The following AGK variants were observed in gnomAD, a reference collection of about 807,000 sequenced individuals.
The protein encoded by AGK is acylglycerol kinase, mitochondrial.
In AGK, 52 loss-of-function variants were observed where a neutral mutation model predicts 66.4. The observed-to-expected ratio is 0.78, with a 90% CI of 0.63 to 0.99. The LOEUF is 0.99. Among genes scored for constraint, AGK ranks in the 50% least tolerant of loss-of-function variants. AGK has a pLI of 0.00. For missense variants in AGK, 451 were observed against 506.6 expected, an observed-to-expected ratio of 0.89 and a Z score of 1.05; for synonymous variants, 182 against 181.1, an observed-to-expected ratio of 1.00 and a Z score of -0.04.
intron 9 of AGK, among the ~76,000 whole-genome samples, chr7:141,633,237 T>C (rs1178635303): frequency 1.3e-5 from 2 of 152,216 alleles, no homozygotes; most frequent in Non-Finnish European, 2.9e-5. Context: ...AGAATCCTGG[T>C]ACCTAGATTA....
At chr7:141,568,276 T>C (rs1196227815) in intron 2 of AGK, among the ~76,000 whole-genome samples, 7 of 152,230 alleles carry the variant, frequency 4.6e-5, no homozygotes, top group Admixed American at 3.9e-4. Flanking sequence ...CATACATGGT[T>C]AAAAGCAGCA....
At chr7:141,572,966 A>C (rs1019138338) in intron 2 of AGK, among the ~76,000 whole-genome samples, 7 of 152,206 alleles carry the variant, frequency 4.6e-5, no homozygotes, top group Admixed American at 3.3e-4. Context: ...TTACCTTGAC[A>C]TCAGTTCAGA....
intron 2 of AGK, among the ~76,000 whole-genome samples, chr7:141,569,071 AG>A (rs1024738497): frequency 2.0e-5 from 3 of 152,220 alleles, no homozygotes; most frequent in African/African-American, 7.2e-5. Flanking sequence ...CTCCAAACAT[AG>A]GAACATTAAT....
intron 2 of AGK, among the ~76,000 whole-genome samples, chr7:141,570,047 A>T (rs1587071522): frequency 6.6e-6 from 1 of 152,182 alleles, no homozygotes; most frequent in African/African-American, 2.4e-5. Context: ...AATATGTCAC[A>T]ATATTATCGT....
intron 5 of AGK, among the ~76,000 whole-genome samples, chr7:141,604,263 C>T (rs1796400963): frequency 6.6e-6 from 1 of 150,862 alleles, no homozygotes; most frequent in African/African-American, 2.4e-5. Flanking sequence ...TATACAAATT[C>T]CCATATCACT....
At position 141,636,996 on chromosome 7, in the gene AGK, C is replaced by T; in HGVS notation, c.705C>T (p.Ala235=). The T allele has an allele frequency of 6.2e-7, 1 of 1,612,354 alleles. No homozygotes were observed. Among genetic ancestry groups the T allele is most frequent in the Non-Finnish European group, 8.5e-7 (1 of 1,179,052 alleles). ...WYLGPLKIKA[A]HFFSTLKEWP... is the part of the protein sequence containing the mutation. ...TTGGGCCTCTAAAAATCAAAGCAGC[C>T]CACTTTTTCAGCACTCTTAAGGTAA... The change falls in exon 11 of 16, where the codon GCC becomes GCT. Residue 235 remains alanine (A), a synonymous_variant. Coordinates refer to ENST00000649286, the MANE Select transcript of AGK (RefSeq NM_018238.4).
In AGK at chr7:141,588,135, A is replaced by T. The variant is rs77033998; in HGVS notation, c.102-5011A>T. ...TAAATTAGATGAGACTATGCAATTT[A>T]AAAAATGTGCTATAAAACATACAAC... On this transcript the variant is annotated intron_variant, in intron 2 of 15. Transcript: ENST00000649286. Among the ~76,000 whole-genome samples the T allele has an allele frequency of 1.2e-4, 19 of 152,352 alleles. No homozygotes were observed. In the East Asian group the frequency reaches 2.9e-3, roughly 23 times the overall value.
chr7:141,604,112 A>G lies in AGK; in HGVS notation c.297+2832A>G, dbSNP rs550535789. On this transcript the variant is annotated intron_variant, in intron 5 of 15. Coordinates refer to ENST00000649286, the MANE Select transcript of AGK (RefSeq NM_018238.4). ...GAAAATAGACATTTAGAAGGATGAGATTAAAAAATAAATAGAAATACTAAT... is the reference window on the plus strand; with the variant it reads ...GAAAATAGACATTTAGAAGGATGAGGTTAAAAAATAAATAGAAATACTAAT... Among the ~76,000 whole-genome samples, 3 of 152,084 alleles carry G rather than the reference A, an allele frequency of 2.0e-5. No homozygotes were observed. The South Asian group carries it at 6.2e-4, about 32-fold the overall frequency.
intron 8 of AGK, among the ~76,000 whole-genome samples, chr7:141,616,855 T>C (rs1587132501): frequency 6.6e-6 from 1 of 151,420 alleles, no homozygotes. Context: ...GTCTCCCAGG[T>C]TCACGCCATT....
At chr7:141,641,739 C>A in intron 12 of AGK, 72 bp from the exon 13 acceptor site, 1 of 1,257,298 alleles carries the variant, frequency 8.0e-7, no homozygotes, top group Non-Finnish European at 1.1e-6. Context: ...GAGCAGCTAG[C>A]AGCTAGCCGT....
intron 14 of AGK, among the ~76,000 whole-genome samples, chr7:141,651,065 C>A (rs1797545103): frequency 6.6e-6 from 1 of 152,174 alleles, no homozygotes; most frequent in African/African-American, 2.4e-5. Flanking sequence ...GAAGGGTTAT[C>A]AGAGAACTTC....
intron 2 of AGK, among the ~76,000 whole-genome samples, chr7:141,574,315 G>A (rs907319371): frequency 6.6e-6 from 1 of 152,166 alleles, no homozygotes; most frequent in Non-Finnish European, 1.5e-5. Context: ...TTGCCTGATG[G>A]TGGTACAGTC....
intron 3 of AGK, chr7:141,593,825 T>G (rs529683990): frequency 6.4e-6 from 1 of 155,058 alleles, no homozygotes; most frequent in East Asian, 1.9e-4. Flanking sequence ...TCATTTGAGC[T>G]TATGATGTCA....
chr7:141,571,848 T>G (rs999993921), intron 2 of AGK, among the ~76,000 whole-genome samples: 6 of 152,176 alleles, frequency 3.9e-5, no homozygotes, highest in Non-Finnish European at 8.8e-5. Context: ...TTTAGAACAA[T>G]GCCTGACACA....
chr7:141,593,251 C>T, intron 3 of AGK, 66 bp downstream of exon 3: 2 of 1,416,776 alleles, frequency 1.4e-6, no homozygotes, highest in Non-Finnish European at 2.0e-6. Context: ...AACTTAAGCT[C>T]TTTCAGGGGA....
chr7:141,647,870 C>T (rs1420888219), intron 13 of AGK, among the ~76,000 whole-genome samples: 2 of 152,162 alleles, frequency 1.3e-5, no homozygotes, highest in African/African-American at 4.8e-5. Flanking sequence ...GGGGTTTCAC[C>T]ACGTTGGCCG....
intron 9 of AGK, among the ~76,000 whole-genome samples, chr7:141,630,332 A>G (rs923583458): frequency 3.9e-5 from 6 of 152,166 alleles, no homozygotes; most frequent in Non-Finnish European, 8.8e-5. Flanking sequence ...TAGGAGGAAT[A>G]AGTTTTGAGA....
chr7:141,641,786 AC>A, intron 12 of AGK, 24 bp from the exon 13 acceptor site: 1 of 1,550,128 alleles, frequency 6.5e-7, no homozygotes, highest in Non-Finnish European at 8.7e-7. Context: ...GAAGAAACTG[AC>A]CTGTATCTAA....
intron 2 of AGK, among the ~76,000 whole-genome samples, chr7:141,590,190 T>C (rs1022128727): frequency 4.6e-5 from 7 of 152,202 alleles, no homozygotes; most frequent in African/African-American, 1.4e-4. Context: ...TCTTTTCAGC[T>C]AGGTCCATGG....
Sources: gnomAD v4.1 joint callset for allele counts (sites outside exome capture counted in the v4.1 genomes callset) on GRCh38, gnomAD v4.1.1 for gene constraint, MANE v1.5 for transcripts, NCBI Gene and HGNC (gene_info 2026-07-23, HGNC 2026-07-21) for gene names.